Variants in FMOD observed in about 807,000 individuals in gnomAD.
The protein encoded by FMOD is KSPG fibromodulin.
FMOD carries 15 observed loss-of-function variants against 27.0 expected under a neutral mutation model. The ratio of observed to expected loss-of-function variants is 0.55; its 90% CI spans 0.37 to 0.85. FMOD has a LOEUF of 0.85. FMOD is among the 40% of genes least tolerant of loss of function. The probability of loss-of-function intolerance (pLI) is 0.00; values close to 1 mark genes in which losing one functional copy is unlikely to be tolerated. For synonymous variants in FMOD, 210 were observed against 214.0 expected, an observed-to-expected ratio of 0.98 and a Z score of 0.16; for missense variants, 460 against 483.2, an observed-to-expected ratio of 0.95 and a Z score of 0.45.
In FMOD at chr1:203,347,589, G is replaced by C. The variant is rs1658910737; in HGVS notation, c.682C>G (p.Leu228Val). ...CGAAGGTGGTTATAACTCAGGTCCA[G>C]CAAGATCAGTGACCGGAGGCCCCTC... The part of the protein sequence containing the change: ...SMRGLRSLIL[L>V]DLSYNHLRKV... The change falls in exon 2 of 3, where the codon CTG becomes GTG. Residue 228 changes from leucine (L) to valine (V), a missense_variant. By Grantham distance (32) the Leu-to-Val change is conservative (BLOSUM62 1). Transcript: ENST00000354955. The C allele has an allele frequency of 6.2e-7, 1 of 1,614,210 alleles. No homozygotes were observed. Among genetic ancestry groups the C allele is most frequent in the Non-Finnish European group, 8.5e-7 (1 of 1,180,038 alleles).
At chr1:203,344,762 A>C (rs998080525) in intron 2 of FMOD, among the ~76,000 whole-genome samples, 1 of 152,110 alleles carries the variant, frequency 6.6e-6, no homozygotes, top group African/African-American at 2.4e-5. Context: ...GATGTCCCTC[A>C]CGTTTGCTGT....
chr1:203,350,752 G>T (rs1342755994), intron 1 of FMOD, among the ~76,000 whole-genome samples: 1 of 152,240 alleles, frequency 6.6e-6, no homozygotes, highest in Non-Finnish European at 1.5e-5. Flanking sequence ...TAGCAGGGAA[G>T]AAGCTTCCCT....
chr1:203,347,483 T>A lies in FMOD; in HGVS notation c.788A>T (p.Tyr263Phe). ...CAGCAGCTTGGGCGCCCCCCGGAAGTAGCTATCGGGGACGGTGTAGACATT... is the reference window on the plus strand; with the variant it reads ...CAGCAGCTTGGGCGCCCCCCGGAAGAAGCTATCGGGGACGGTGTAGACATT... ...HNNVYTVPDS[Y>F]FRGAPKLLYV... The change falls in exon 2 of 3, where the codon TAC becomes TTC. Residue 263 changes from tyrosine (Y) to phenylalanine (F), a missense_variant. Coordinates refer to ENST00000354955, the MANE Select transcript of FMOD (RefSeq NM_002023.5). 6.2e-7 allele frequency: 1 copy of A among 1,614,048 alleles called. No homozygotes were observed. The highest frequency in any genetic ancestry group is 8.5e-7 in the Non-Finnish European group (1 of 1,179,982).
rs1658799998 is a variant in FMOD, at chr1:203,341,912, G to C, written c.*431C>G. The C allele has an allele frequency of 6.4e-6, 1 of 156,476 alleles. No homozygotes were observed. The highest frequency in any genetic ancestry group is 6.5e-5 in the Admixed American group (1 of 15,402). 9.7% of individuals were successfully genotyped at this position (156,476 alleles called of 1,614,324 possible). A position where few individuals can be genotyped will look rare whatever the true frequency, so the allele number is the denominator to read the frequency against. On this transcript the variant is annotated 3_prime_UTR_variant, in exon 3 of 3. Transcript: ENST00000354955. ...GTATATTTTGAGAAGCAACAAATGG[G>C]AGCCCAGAGTAACTGCACGACCAGC...
rs921449670 is a variant in FMOD at position 203,341,310 on chromosome 1, A to G, written c.*1033T>C. ...TGGAGTCTGTCTCTACCATCAGGAT[A>G]TAGAATCTTCCTGCTTGGATAAAAG... is the stretch of plus-strand genomic sequence containing the variant. On this transcript the variant is annotated 3_prime_UTR_variant, in exon 3 of 3. Transcript: ENST00000354955. The G allele has an allele frequency of 6.6e-6, 1 of 152,198 alleles. No individual in the cohort carries two copies. The highest frequency in any genetic ancestry group is 2.4e-5 in the African/African-American group (1 of 41,458). 9.4% of individuals were successfully genotyped at this position (152,198 alleles called of 1,614,324 possible).
At chr1:203,345,125 T>C (rs1658865263) in intron 2 of FMOD, among the ~76,000 whole-genome samples, 1 of 152,218 alleles carries the variant, frequency 6.6e-6, no homozygotes, top group Non-Finnish European at 1.5e-5. Flanking sequence ...AAAAGAAGGC[T>C]GAGAGAGACT....
In FMOD at chr1:203,348,140, G is replaced by A; in HGVS notation, c.131C>T (p.Pro44Leu). 8.7e-6 allele frequency: 14 copies of A among 1,614,208 alleles called. No individual in the cohort carries two copies. The highest frequency in any genetic ancestry group is 2.2e-5 in the East Asian group (1 of 44,884). ...AGGCTCGTAGGTCTCATACGGGTAA[G>A]GGTCATAGGGATCGTAGTAGGTGGA... ...QQSTYYDPYD[P>L]YPYETYEPYP... Residue 44 changes from proline (P) to leucine (L), a missense_variant, in exon 2 of 3, where the codon CCT becomes CTT. Pro to Leu is a moderately conservative substitution (Grantham distance 98, BLOSUM62 -3). Transcript: ENST00000354955.
rs141690882 is a variant in FMOD, at chr1:203,344,743, T to G, written c.980-2249A>C. Among the ~76,000 whole-genome samples, 1,414 of 152,288 alleles carry G rather than the reference T, an allele frequency of 9.3e-3. 21 individuals carry two copies. Among genetic ancestry groups the G allele is most frequent in the African/African-American group, 0.032 (1,336 of 41,544 alleles). On this transcript the variant is annotated intron_variant, in intron 2 of 2. Transcript: ENST00000354955. ...CCCCATCCCCAAGTCCCTGACTGGTTTGCAGGGAGATGTCCCTCACGTTTG... is the reference window on the plus strand; with the variant it reads ...CCCCATCCCCAAGTCCCTGACTGGTGTGCAGGGAGATGTCCCTCACGTTTG...
At chr1:203,346,753 C>T (rs771320902) in intron 2 of FMOD, among the ~76,000 whole-genome samples, 1 of 152,196 alleles carries the variant, frequency 6.6e-6, no homozygotes, top group Non-Finnish European at 1.5e-5. Context: ...TCTTCTGGGA[C>T]AGTGAGTAAG....
chr1:203,345,211 G>T (rs1658866958), intron 2 of FMOD, among the ~76,000 whole-genome samples: 1 of 152,254 alleles, frequency 6.6e-6, no homozygotes, highest in East Asian at 1.9e-4. Flanking sequence ...AAAATTTGGG[G>T]GTTGTTTGAA....
In FMOD at chr1:203,342,352, G is replaced by A. The variant is rs141336017; in HGVS notation, c.1122C>T (p.Ile374=). ...CCGGTGCCAGGGCTGCTCAGATCTC[G>A]ATGAGGCTGGCAAGGCGCAGGCAGA... ...APLCLRLASL[I]EI Residue 374 remains isoleucine, a synonymous_variant, in exon 3 of 3, where the codon ATC becomes ATT. Transcript: ENST00000354955. 92 of 1,611,856 alleles carry A rather than the reference G, an allele frequency of 5.7e-5. No individual in the cohort carries two copies. The highest frequency in any genetic ancestry group is 5.0e-4 in the Middle Eastern group (3 of 6,022).
At chr1:203,348,302 G>A (rs377580772) in intron 1 of FMOD, 25 bp from the exon 2 acceptor site, 3 of 1,594,640 alleles carry the variant, frequency 1.9e-6, no homozygotes. Flanking sequence ...AGAGAACAGA[G>A]CAAGCCAGCA....
At position 203,341,550 on chromosome 1, in the gene FMOD, T is replaced by C. The variant is rs547272179; in HGVS notation, c.*793A>G. 1 of 152,298 alleles carries C rather than the reference T, an allele frequency of 6.6e-6. No individual in the cohort carries two copies. Among genetic ancestry groups the C allele is most frequent in the East Asian group, 1.9e-4 (1 of 5,184 alleles). 9.4% of individuals were successfully genotyped at this position (152,298 alleles called of 1,614,324 possible). ...TCTGGCCTTTCCTCTTCTGAAGTCT[T>C]ATCCACCTTCAAAGAGCTACCCAGC... On this transcript the variant is annotated 3_prime_UTR_variant, in exon 3 of 3. Transcript: ENST00000354955.
chr1:203,348,822 T>A (rs1482876378), intron 1 of FMOD, among the ~76,000 whole-genome samples: 1 of 152,180 alleles, frequency 6.6e-6, no homozygotes, highest in Non-Finnish European at 1.5e-5. Flanking sequence ...ATCTGGAAAA[T>A]CTTTTGGTCT....
rs779102960 is a variant in FMOD, at chr1:203,347,745, G to A, written c.526C>T (p.Arg176Ter). The change falls in exon 2 of 3, where the codon CGA (arginine) becomes TGA (stop). Residue 176 changes from arginine to a stop codon, truncating the protein, a stop_gained. Coordinates refer to ENST00000354955, the MANE Select transcript of FMOD (RefSeq NM_002023.5). LOFTEE classifies it high-confidence loss of function. The part of the protein sequence containing the change: ...NLTRMPGPLP[R>*]SLRELHLDHN... The stretch of plus-strand genomic sequence containing the variant: ...TCGAGATGGAGCTCTCTCAGGGATC[G>A]AGGCAGGGGACCGGGCATCCGGGTC... 14 of 1,613,794 alleles carry A rather than the reference G, an allele frequency of 8.7e-6. No homozygotes were observed. Among genetic ancestry groups the A allele is most frequent in the Admixed American group, 1.7e-5 (1 of 60,006 alleles).
intron 1 of FMOD, among the ~76,000 whole-genome samples, chr1:203,349,390 T>C (rs1346027473): frequency 1.3e-5 from 2 of 152,214 alleles, no homozygotes; most frequent in East Asian, 3.8e-4. Context: ...CTGTTGCTTT[T>C]GAACCTGTTG....
intron 2 of FMOD, among the ~76,000 whole-genome samples, 180 bp downstream of exon 2, chr1:203,347,112 T>G (rs1276644696): frequency 1.3e-5 from 2 of 152,234 alleles, no homozygotes; most frequent in Non-Finnish European, 2.9e-5. Flanking sequence ...GTCTTAGCAC[T>G]GCTATTTAGT....
intron 1 of FMOD, among the ~76,000 whole-genome samples, chr1:203,348,533 T>A (rs1658937380): frequency 6.6e-6 from 1 of 152,116 alleles, no homozygotes; most frequent in African/African-American, 2.4e-5. Context: ...AGACAGAATG[T>A]CTTTGAATGG....
rs1035921038 is a variant in FMOD, at chr1:203,342,103, T to G, written c.*240A>C. Reference sequence around the variant, plus strand: ...TTTATGGGGTTGGAACATCCAGGGATCCTTCCATCTACCACCACTTCTGTC... The same window carrying G: ...TTTATGGGGTTGGAACATCCAGGGAGCCTTCCATCTACCACCACTTCTGTC... On this transcript the variant is annotated 3_prime_UTR_variant, in exon 3 of 3. Coordinates refer to ENST00000354955, the MANE Select transcript of FMOD (RefSeq NM_002023.5). 8.4e-5 allele frequency: 40 copies of G among 477,746 alleles called. No homozygotes were observed. Among genetic ancestry groups the G allele is most frequent in the African/African-American group, 6.1e-4 (31 of 50,850 alleles). The allele number at this position is 477,746 out of a possible 1,614,324, so 29.6% of individuals were successfully genotyped here.
Sources: gnomAD v4.1 joint callset for allele counts (sites outside exome capture counted in the v4.1 genomes callset) on GRCh38, gnomAD v4.1.1 for gene constraint, MANE v1.5 for transcripts, NCBI Gene and HGNC (gene_info 2026-07-23, HGNC 2026-07-21) for gene names.